CFAP161: variants seen among roughly 807,000 people sequenced by gnomAD.
The protein encoded by CFAP161 is cilia- and flagella-associated protein 161.
In CFAP161, 25 loss-of-function variants were observed where a neutral mutation model predicts 29.0. The ratio of observed to expected loss-of-function variants is 0.86; its 90% confidence interval spans 0.63 to 1.20. CFAP161 has a LOEUF of 1.20. Among genes scored for constraint, CFAP161 ranks in the 50% most tolerant of loss-of-function variants. CFAP161 has a pLI of 0.00. For missense variants in CFAP161, 367 were observed against 371.9 expected (o/e 0.99, Z 0.11); for synonymous variants, 116 against 137.4 (o/e 0.84, Z 1.09).
In CFAP161 at chr15:81,148,682, A is replaced by G. The variant is rs74028082; in HGVS notation, c.*149A>G. On this transcript the variant is annotated 3_prime_UTR_variant, in exon 7 of 7. Transcript: ENST00000286732. ...ATATTAAAATAAAGATTACATTAAG[A>G]TTATTGAATTTGTGGTGGGAGTCTA... The G allele has an allele frequency of 5.8e-4, 389 of 667,620 alleles. 1 individual carries two copies. In the African/African-American group the frequency reaches 6.7e-3, roughly 11 times the overall value. The allele number at this position is 667,620 out of a possible 1,614,324, so 41.4% of individuals were successfully genotyped here. A position where few individuals can be genotyped will look rare whatever the true frequency, so the allele number is the denominator to read the frequency against.
intron 1 of CFAP161, among the ~76,000 whole-genome samples, chr15:81,109,503 G>A (rs1297222146): frequency 6.6e-6 from 1 of 152,114 alleles, no homozygotes; most frequent in African/African-American, 2.4e-5. Flanking sequence ...AATTGTATGT[G>A]CTCCAGCCTG....
In CFAP161 at chr15:81,148,768, T is replaced by C. The variant is rs1895054663; in HGVS notation, c.*235T>C. On this transcript the variant is annotated 3_prime_UTR_variant, in exon 7 of 7. Transcript: ENST00000286732. ...ATTTGAAAGTGACAAACAATAGCCT[T>C]TTGTTGATAAACAAATTCTGAAGAA... The C allele has an allele frequency of 2.7e-6, 1 of 377,304 alleles. No homozygotes were observed. Among genetic ancestry groups the C allele is most frequent in the East Asian group, 4.1e-5 (1 of 24,650 alleles). The allele number at this position is 377,304 out of a possible 1,614,324, so 23.4% of individuals were successfully genotyped here.
At chr15:81,109,340 G>A (rs534609206) in intron 1 of CFAP161, among the ~76,000 whole-genome samples, 2 of 152,174 alleles carry the variant, frequency 1.3e-5, no homozygotes, top group African/African-American at 4.8e-5. Context: ...TTCATCTCCT[G>A]TTGCAGTTCT....
rs781667406 is a variant in CFAP161, at chr15:81,143,664, G to T, written c.480G>T (p.Leu160Phe). Reference protein sequence around the residue: ...GITGGFDNKMLYLSSDHRTLL... With the variant: ...GITGGFDNKMFYLSSDHRTLL... ...CATCTGCTTGCTGTCATTTTCAGTT[G>T]TATTTGTCAAGTGACCACAGGACCC... The change falls in exon 5 of 7, where the codon TTG becomes TTT. Residue 160 changes from leucine (L) to phenylalanine (F), a missense_variant and splice_region_variant. Transcript: ENST00000286732. The T allele has an allele frequency of 1.2e-6, 2 of 1,610,336 alleles. No homozygotes were observed. The highest frequency in any genetic ancestry group is 1.1e-5 in the South Asian group (1 of 90,620).
At chr15:81,117,385 C>T (rs1435399084) in intron 1 of CFAP161, among the ~76,000 whole-genome samples, 2 of 152,094 alleles carry the variant, frequency 1.3e-5, no homozygotes, top group Non-Finnish European at 2.9e-5. Context: ...AAGAGTCTCA[C>T]ACAAAAAGCT....
At chr15:81,121,016 C>T (rs1894565917) in intron 1 of CFAP161, among the ~76,000 whole-genome samples, 1 of 152,250 alleles carries the variant, frequency 6.6e-6, no homozygotes, top group African/African-American at 2.4e-5. Flanking sequence ...ACATGGAGAA[C>T]CACATTTTAA....
Position 81,141,787 on chromosome 15 carries a change from C to A in CFAP161, c.478-1875C>A, listed in dbSNP as rs539228452. Among the ~76,000 whole-genome samples the A allele has an allele frequency of 4.3e-4, 65 of 151,656 alleles. 1 individual carries two copies. The highest frequency in any genetic ancestry group is 1.4e-3 in the African/African-American group (57 of 41,326). ...GCAGCCTCTGCCTCCCGGGTTCAAG[C>A]GATTCTCATGCCTCAGCTTCCTGCG... is the stretch of plus-strand genomic sequence containing the variant. On this transcript the variant is annotated intron_variant, in intron 4 of 6. Transcript: ENST00000286732.
intron 1 of CFAP161, among the ~76,000 whole-genome samples, chr15:81,120,067 AG>A (rs1303671986): frequency 6.6e-6 from 1 of 152,168 alleles, no homozygotes; most frequent in African/African-American, 2.4e-5. Flanking sequence ...AATAAAGACA[AG>A]GCAGGTATTA....
In CFAP161 at chr15:81,138,087, T is replaced by A. The variant is rs1004386986; in HGVS notation, c.429T>A (p.Tyr143Ter). Residue 143 changes from tyrosine to a stop codon, truncating the protein, a stop_gained, in exon 4 of 7, where the codon TAT (tyrosine) becomes TAA (stop). Coordinates refer to ENST00000286732, the MANE Select transcript of CFAP161 (RefSeq NM_173528.4). LOFTEE classifies it high-confidence loss of function. ...HRDATGQVLR[Y>*]GQDFCLGITG... ...ATGCCACTGGTCAAGTCCTTAGATA[T>A]GGGCAGGACTTTTGCCTGGGGATAA... The A allele has an allele frequency of 9.9e-6, 16 of 1,613,190 alleles. No homozygotes were observed. Among genetic ancestry groups the A allele is most frequent in the Admixed American group, 1.7e-5 (1 of 60,028 alleles).
upstream of CFAP161, among the ~76,000 whole-genome samples, chr15:81,130,636 G>A (rs1055088938): frequency 1.4e-4 from 21 of 152,218 alleles, no homozygotes; most frequent in Non-Finnish European, 2.9e-4. Flanking sequence ...GGAGGTGGAG[G>A]TTGTAGTGAG....
At chr15:81,111,456 A>T (rs571397196) in intron 1 of CFAP161, among the ~76,000 whole-genome samples, 1 of 152,208 alleles carries the variant, frequency 6.6e-6, no homozygotes, top group East Asian at 1.9e-4. Context: ...TCCTGGGGCT[A>T]TCTTTAACTA....
In CFAP161 at chr15:81,134,295, C is replaced by A. The variant is rs962651950; in HGVS notation, c.-35C>A. 5.7e-6 allele frequency: 9 copies of A among 1,565,548 alleles called. No individual in the cohort carries two copies. The highest frequency in any genetic ancestry group is 1.7e-4 in the Middle Eastern group (1 of 5,968). On this transcript the variant is annotated 5_prime_UTR_variant, in exon 1 of 7. The change creates a premature stop within an existing upstream ORF in the 5' untranslated region. Coordinates refer to ENST00000286732, the MANE Select transcript of CFAP161 (RefSeq NM_173528.4). The stretch of plus-strand genomic sequence containing the variant: ...GACGCGCCACGCTAACGCATGGTGT[C>A]GGAGGGAGGCCCACTTGCTGAACAG...
chr15:81,142,842 TG>T (rs1894934628), intron 4 of CFAP161, among the ~76,000 whole-genome samples: 1 of 152,172 alleles, frequency 6.6e-6, no homozygotes, highest in African/African-American at 2.4e-5. Flanking sequence ...GGTTGTTTCC[TG>T]GCAAGGTTAC....
rs543592720 is a variant in CFAP161, at chr15:81,141,892, C to T, written c.478-1770C>T. 3.9e-5 allele frequency among the ~76,000 whole-genome samples: 6 copies of T among 152,214 alleles called. No homozygotes were observed. In the East Asian group the frequency reaches 1.2e-3, roughly 29 times the overall value. ...TAGAGACAGGGTTTCACCATGTTGG[C>T]CAGACTCTCTCGAACTCCTGACCTC... On this transcript the variant is annotated intron_variant, in intron 4 of 6. Coordinates refer to ENST00000286732, the MANE Select transcript of CFAP161 (RefSeq NM_173528.4).
intron 2 of CFAP161, among the ~76,000 whole-genome samples, chr15:81,128,829 T>G (rs2683248): frequency 0.57 from 86,903 of 151,830 alleles, 26,120 homozygotes; most frequent in Non-Finnish European, 0.68. Context: ...TATTGGCTGG[T>G]TGTGGTGGTT....
At chr15:81,106,207 G>A (rs984912197) in intron 1 of CFAP161, among the ~76,000 whole-genome samples, 7 of 152,204 alleles carry the variant, frequency 4.6e-5, no homozygotes, top group Non-Finnish European at 1.5e-5. Flanking sequence ...TTCAAATAGA[G>A]TTAAAAGCAA....
intron 6 of CFAP161, among the ~76,000 whole-genome samples, 189 bp from the exon 7 acceptor site, chr15:81,148,149 G>T (rs566332221): frequency 2.6e-5 from 4 of 152,270 alleles, no homozygotes; most frequent in African/African-American, 9.6e-5. Flanking sequence ...GTTCTAATGG[G>T]ATCCTACTGG....
At chr15:81,113,078 A>T (rs562645214) in intron 1 of CFAP161, among the ~76,000 whole-genome samples, 15 of 152,370 alleles carry the variant, frequency 9.8e-5, no homozygotes, top group African/African-American at 1.4e-4. Flanking sequence ...AGGAGAATTT[A>T]AAAAATCCCT....
intron 2 of CFAP161, among the ~76,000 whole-genome samples, chr15:81,129,114 G>A (rs989271429): frequency 6.6e-6 from 1 of 151,872 alleles, no homozygotes; most frequent in Non-Finnish European, 1.5e-5. Flanking sequence ...TAGGTGCATT[G>A]TCAATAAACA....
Sources: gnomAD v4.1 joint callset for allele counts (sites outside exome capture counted in the v4.1 genomes callset) on GRCh38, gnomAD v4.1.1 for gene constraint, MANE v1.5 for transcripts, NCBI Gene and HGNC (gene_info 2026-07-23, HGNC 2026-07-21) for gene names.